PPFIA2: variants seen among roughly 807,000 people sequenced by gnomAD.
PPFIA2 encodes liprin-alpha-2.
Under a neutral mutation model 175.5 loss-of-function variants are expected in PPFIA2, and 46 were observed. That is an observed-to-expected ratio of 0.26 (90% confidence interval 0.21 to 0.34). The LOEUF is 0.34. Among genes scored for constraint, PPFIA2 ranks in the 10% least tolerant of loss-of-function variants. PPFIA2 has a pLI of 1.00. For missense variants in PPFIA2, 1,179 were observed against 1,506.1 expected, an observed-to-expected ratio of 0.78 and a Z score of 3.60; for synonymous variants, 568 against 511.4, an observed-to-expected ratio of 1.11 and a Z score of -1.49.
At chr12:81,502,498 T>G (rs929348829) in intron 4 of PPFIA2, among the ~76,000 whole-genome samples, 1 of 152,204 alleles carries the variant, frequency 6.6e-6, no homozygotes, top group Non-Finnish European at 1.5e-5. Context: ...GTAATCACTA[T>G]TTTTGACAAG....
chr12:81,399,239 C>T (rs1330838812), intron 8 of PPFIA2, among the ~76,000 whole-genome samples: 1 of 111,346 alleles, frequency 9.0e-6, no homozygotes, highest in Admixed American at 1.2e-4. Flanking sequence ...GGTAACTGAA[C>T]AAATTTCCAG....
chr12:81,432,501 T>C (rs1592891188), intron 7 of PPFIA2, among the ~76,000 whole-genome samples: 1 of 150,666 alleles, frequency 6.6e-6, no homozygotes, highest in East Asian at 2.0e-4. Flanking sequence ...AGTCTTGCTC[T>C]GTCACCCAGG....
At chr12:81,422,154 G>GTA (rs533555962) in intron 7 of PPFIA2, among the ~76,000 whole-genome samples, 6,363 of 70,436 alleles carry the variant, frequency 0.09, 290 homozygotes, top group African/African-American at 0.21. Context: ...ATATATGTGT[G>GTA]TATATATATA....
intron 22 of PPFIA2, among the ~76,000 whole-genome samples, chr12:81,324,794 A>G (rs1366340423): frequency 2.6e-5 from 4 of 151,992 alleles, no homozygotes; most frequent in Non-Finnish European, 4.4e-5. Flanking sequence ...TCTGGACAAT[A>G]TTCCTACTGA....
chr12:81,568,624 T>A (rs1169728794), intron 4 of PPFIA2, among the ~76,000 whole-genome samples: 1 of 152,182 alleles, frequency 6.6e-6, no homozygotes, highest in Non-Finnish European at 1.5e-5. Context: ...CATAAGTCTT[T>A]CCATCCTACA....
intron 4 of PPFIA2, among the ~76,000 whole-genome samples, chr12:81,607,757 C>CT (rs984531342): frequency 6.6e-6 from 1 of 152,040 alleles, no homozygotes; most frequent in South Asian, 2.1e-4. Flanking sequence ...GATATTTTGA[C>CT]TTTTTTTCAT....
intron 3 of PPFIA2, among the ~76,000 whole-genome samples, chr12:81,733,748 C>A (rs1283677425): frequency 6.6e-6 from 1 of 151,692 alleles, no homozygotes; most frequent in East Asian, 1.9e-4. Flanking sequence ...CTATCATTGT[C>A]ATATTTCTAT....
At chr12:81,260,507 T>C (rs2035064615) in intron 32 of PPFIA2, 1 of 152,208 alleles carries the variant, frequency 6.6e-6, no homozygotes, top group Non-Finnish European at 1.5e-5. Flanking sequence ...TTGGGAGACC[T>C]CTTATTTAGC....
chr12:81,282,939 C>A, intron 26 of PPFIA2, 71 bp downstream of exon 26: 1 of 1,346,702 alleles, frequency 7.4e-7, no homozygotes, highest in Non-Finnish European at 1.1e-6. Context: ...TGACTTATGA[C>A]AGTTTCTTGA....
intron 4 of PPFIA2, among the ~76,000 whole-genome samples, chr12:81,480,466 G>C (rs185362969): frequency 6.6e-6 from 1 of 152,236 alleles, no homozygotes; most frequent in East Asian, 1.9e-4. Context: ...GTAAGGAGCT[G>C]TGATCCTTTG....
At chr12:81,385,192 A>G (rs138523174) in intron 8 of PPFIA2, among the ~76,000 whole-genome samples, 151 of 152,324 alleles carry the variant, frequency 9.9e-4, no homozygotes, top group African/African-American at 3.5e-3. Flanking sequence ...GCTATTAGCA[A>G]AAAGCCAATA....
In PPFIA2 at chr12:81,347,669, T is replaced by C. The variant is rs1272502532; in HGVS notation, c.2096A>G (p.His699Arg). 4 of 1,613,860 alleles carry C rather than the reference T, an allele frequency of 2.5e-6. No homozygotes were observed. The highest frequency in any genetic ancestry group is 3.4e-6 in the Non-Finnish European group (4 of 1,179,824). The change falls in exon 18 of 33, where the codon CAC (histidine) becomes CGC (arginine). Residue 699 changes from histidine to arginine, a missense_variant. Physicochemically the swap from His to Arg is conservative, Grantham distance 29. This residue lies in a region of PPFIA2 where 223 missense variants were observed against 241.6 expected (regional missense o/e 0.92). Transcript: ENST00000549396. ...SLEGLNLARVHPGTSITASVT... is the reference protein window; with the variant it reads ...SLEGLNLARVRPGTSITASVT... ...AGAGGCAGTAATGGAGGTACCTGGG[T>C]GGACCCTTGCCAAATTCAGGCCTTC...
In PPFIA2 at chr12:81,551,063, C is replaced by A. The variant is rs181351576; in HGVS notation, c.304-93197G>T. ...AGAACAGAAAAGATAGAGAAAGCAA[C>A]TTTATTGGCATGACTAGGATAAACA... On this transcript the variant is annotated intron_variant, in intron 4 of 32. Transcript: ENST00000549396. Among the ~76,000 whole-genome samples, 11 of 151,112 alleles carry A rather than the reference C, an allele frequency of 7.3e-5. No individual in the cohort carries two copies. In the East Asian group the frequency reaches 1.6e-3, roughly 21 times the overall value.
intron 4 of PPFIA2, among the ~76,000 whole-genome samples, chr12:81,514,249 C>A (rs1220988902): frequency 1.3e-5 from 2 of 151,930 alleles, no homozygotes; most frequent in African/African-American, 4.8e-5. Context: ...CTCCTATTAA[C>A]CTTACCCACA....
intron 27 of PPFIA2, among the ~76,000 whole-genome samples, chr12:81,280,444 A>T (rs1004249051): frequency 6.6e-6 from 1 of 152,138 alleles, no homozygotes; most frequent in Non-Finnish European, 1.5e-5. Context: ...CAACATATCT[A>T]ATTTTTATAC....
chr12:81,606,010 T>C (rs982550036), intron 4 of PPFIA2, among the ~76,000 whole-genome samples: 1 of 151,870 alleles, frequency 6.6e-6, no homozygotes, highest in African/African-American at 2.4e-5. Flanking sequence ...CAATTGCTCC[T>C]ATGTTGACGT....
At chr12:81,444,812 C>T (rs917591148) in intron 6 of PPFIA2, among the ~76,000 whole-genome samples, 1 of 152,102 alleles carries the variant, frequency 6.6e-6, no homozygotes, top group African/African-American at 2.4e-5. Context: ...GTCCCAATTT[C>T]CACTCTAACT....
At chr12:81,466,822 C>T (rs2055730683) in intron 4 of PPFIA2, among the ~76,000 whole-genome samples, 1 of 150,578 alleles carries the variant, frequency 6.6e-6, no homozygotes, top group Non-Finnish European at 1.5e-5. Context: ...GCCCTAGTCA[C>T]ATTTGTCTTC....
rs892717531 is a variant in PPFIA2 at position 81,294,400 on chromosome 12, AGGAAGGAAGGAAGAAG to A, written c.2925+419_2925+434del. Among the ~76,000 whole-genome samples, 15 of 150,542 alleles carry A rather than the reference AGGAAGGAAGGAAGAAG, an allele frequency of 1.0e-4. No homozygotes were observed. In the South Asian group the frequency reaches 3.0e-3, roughly 30 times the overall value. On this transcript the variant is annotated intron_variant, in intron 24 of 32. Transcript: ENST00000549396. ...GAGAAATTACCTGAGGGAAAGAGAA[AGGAAGGAAGGAAGAAG>A]GGAAGGAAGGAAGGAAGGTAGGTAG...
Sources: gnomAD v4.1 joint callset for allele counts (sites outside exome capture counted in the v4.1 genomes callset) on GRCh38, gnomAD v4.1.1 for gene constraint, gnomAD v4.1.1 regional missense constraint, MANE v1.5 for transcripts, NCBI Gene and HGNC (gene_info 2026-07-23, HGNC 2026-07-21) for gene names.